DPYD: variants seen among roughly 807,000 people sequenced by gnomAD.
The protein encoded by DPYD is dihydropyrimidine dehydrogenase [NADP(+)].
Under a neutral mutation model 116.2 loss-of-function variants are expected in DPYD, and 109 were observed. The ratio of observed to expected loss-of-function variants is 0.94; its 90% CI spans 0.80 to 1.10. The LOEUF (loss-of-function observed/expected upper bound fraction) is 1.10. Among genes scored for constraint, DPYD ranks in the 50% least tolerant of loss-of-function variants. DPYD has a pLI of 0.00. For missense variants in DPYD, 1,302 were observed against 1,254.5 expected (o/e 1.04, Z -0.57); for synonymous variants, 440 against 432.0 (o/e 1.02, Z -0.23).
intron 14 of DPYD, among the ~76,000 whole-genome samples, chr1:97,411,503 C>T (rs968619919): frequency 1.3e-5 from 2 of 151,852 alleles, no homozygotes; most frequent in Non-Finnish European, 2.9e-5. Flanking sequence ...CAATGAGCAC[C>T]CCAGTAAACA....
At chr1:97,446,530 T>C (rs1347680858) in intron 14 of DPYD, among the ~76,000 whole-genome samples, 1 of 152,222 alleles carries the variant, frequency 6.6e-6, no homozygotes, top group East Asian at 1.9e-4. Flanking sequence ...AAATGAGGTG[T>C]ATTGTAATAG....
chr1:97,677,021 T>G lies in DPYD; in HGVS notation c.850+2074A>C, dbSNP rs564793982. On this transcript the variant is annotated intron_variant, in intron 8 of 22. Coordinates refer to ENST00000370192, the MANE Select transcript of DPYD (RefSeq NM_000110.4). The stretch of plus-strand genomic sequence containing the variant: ...GTGCAGAGTCAAATGGAGACAACTG[T>G]ATTGTGAACCAGTATAGCATTATCA... Among the ~76,000 whole-genome samples, 28 of 152,290 alleles carry G rather than the reference T, an allele frequency of 1.8e-4. No individual in the cohort carries two copies. The South Asian group carries it at 5.4e-3, about 29-fold the overall frequency.
intron 3 of DPYD, among the ~76,000 whole-genome samples, chr1:97,775,538 C>T (rs1041065152): frequency 6.6e-6 from 1 of 152,166 alleles, no homozygotes; most frequent in African/African-American, 2.4e-5. Flanking sequence ...TCTTCTATGA[C>T]ATCTCTGATT....
chr1:97,083,097 C>T (rs774405549), intron 21 of DPYD, among the ~76,000 whole-genome samples: 3 of 152,154 alleles, frequency 2.0e-5, no homozygotes, highest in Admixed American at 6.5e-5. Flanking sequence ...GAATTTTCTT[C>T]ATTCACCATT....
intron 3 of DPYD, among the ~76,000 whole-genome samples, chr1:97,792,361 C>T (rs1277702348): frequency 6.6e-6 from 1 of 151,900 alleles, no homozygotes; most frequent in African/African-American, 2.4e-5. Context: ...GCAACCTCCA[C>T]CCCCCAGGTT....
intron 13 of DPYD, among the ~76,000 whole-genome samples, chr1:97,499,103 C>A (rs527514997): frequency 4.0e-5 from 6 of 151,582 alleles, no homozygotes; most frequent in Non-Finnish European, 7.4e-5. Context: ...GGAGTTACAG[C>A]ACTGACCTCT....
Position 97,541,867 on chromosome 1 carries a change from A to G in DPYD, c.1524+7693T>C, listed in dbSNP as rs72975704. 4.8e-3 allele frequency among the ~76,000 whole-genome samples: 730 copies of G among 152,312 alleles called. 8 individuals carry two copies. Among genetic ancestry groups the G allele is most frequent in the African/African-American group, 0.017 (693 of 41,586 alleles). On this transcript the variant is annotated intron_variant, in intron 12 of 22. Coordinates refer to ENST00000370192, the MANE Select transcript of DPYD (RefSeq NM_000110.4). ...TCAAAATTATCTTTCGTATTCAGTA[A>G]TTCTTATTCATTTGGTAGAAGAAAA...
At chr1:97,083,261 C>T (rs1396998353) in intron 21 of DPYD, among the ~76,000 whole-genome samples, 1 of 152,080 alleles carries the variant, frequency 6.6e-6, no homozygotes, top group African/African-American at 2.4e-5. Flanking sequence ...AATTAGCATG[C>T]TGTCAAGATT....
intron 7 of DPYD, among the ~76,000 whole-genome samples, chr1:97,685,953 C>T (rs754356701): frequency 4.6e-5 from 7 of 152,186 alleles, no homozygotes; most frequent in African/African-American, 9.7e-5. Context: ...CTACCATTGA[C>T]ATTCCTCACA....
At chr1:97,171,392 GAT>G (rs1274208844) in intron 20 of DPYD, among the ~76,000 whole-genome samples, 2 of 152,198 alleles carry the variant, frequency 1.3e-5, no homozygotes, top group Non-Finnish European at 2.9e-5. Flanking sequence ...CTTGCCCACA[GAT>G]TAGCAAAATC....
chr1:97,420,634 C>T (rs564885388), intron 14 of DPYD, among the ~76,000 whole-genome samples: 3 of 152,052 alleles, frequency 2.0e-5, no homozygotes, highest in East Asian at 1.9e-4. Context: ...TGGGCTCCTG[C>T]GGTCTAGGGA....
chr1:97,893,929 T>A lies in DPYD; in HGVS notation c.40-10555A>T, dbSNP rs184260010. 4.0e-3 allele frequency among the ~76,000 whole-genome samples: 606 copies of A among 151,930 alleles called. 2 individuals are homozygous for A. Among genetic ancestry groups the A allele is most frequent in the Admixed American group, 6.6e-3 (101 of 15,206 alleles). On this transcript the variant is annotated intron_variant, in intron 1 of 22. Transcript: ENST00000370192. The stretch of plus-strand genomic sequence containing the variant: ...AAGATTGACAATTCAAACACAAGAA[T>A]AATAACATCTGATATTAACCTCACA...
At chr1:97,290,256 C>G (rs1266705925) in intron 18 of DPYD, among the ~76,000 whole-genome samples, 4 of 152,170 alleles carry the variant, frequency 2.6e-5, no homozygotes, top group Non-Finnish European at 5.9e-5. Context: ...AATGGCCATA[C>G]TGCCCAAGGT....
At chr1:97,477,541 G>A (rs962361715) in intron 13 of DPYD, among the ~76,000 whole-genome samples, 1 of 151,254 alleles carries the variant, frequency 6.6e-6, no homozygotes, top group Non-Finnish European at 1.5e-5. Flanking sequence ...ATGATTATTG[G>A]AATCAAATTC....
chr1:97,515,108 G>C (rs1648120623), intron 13 of DPYD, among the ~76,000 whole-genome samples: 1 of 151,850 alleles, frequency 6.6e-6, no homozygotes, highest in African/African-American at 2.4e-5. Context: ...CAATCCTCTT[G>C]TATAAAGCAT....
chr1:97,541,859 A>G (rs1650473598), intron 12 of DPYD, among the ~76,000 whole-genome samples: 1 of 152,176 alleles, frequency 6.6e-6, no homozygotes, highest in Non-Finnish European at 1.5e-5. Context: ...TATCTTTCGT[A>G]TTCAGTAATT....
At chr1:97,285,672 T>C (rs139229231) in intron 18 of DPYD, among the ~76,000 whole-genome samples, 256 of 142,806 alleles carry the variant, frequency 1.8e-3, no homozygotes, top group African/African-American at 6.5e-3. Context: ...CAACTTTTTA[T>C]TGTTCCTTTA....
intron 1 of DPYD, among the ~76,000 whole-genome samples, chr1:97,892,786 T>C (rs139391904): frequency 6.6e-6 from 1 of 151,932 alleles, no homozygotes; most frequent in East Asian, 2.0e-4. Flanking sequence ...CTCACTGCAG[T>C]TGATTAAAAA....
chr1:97,193,788 C>A (rs1267698420), intron 19 of DPYD, among the ~76,000 whole-genome samples: 2 of 71,342 alleles, frequency 2.8e-5, no homozygotes, highest in Non-Finnish European at 4.7e-5. Context: ...TCTTTCCTTT[C>A]TTCCTCAAAA....
Sources: gnomAD v4.1 joint callset for allele counts (sites outside exome capture counted in the v4.1 genomes callset) on GRCh38, gnomAD v4.1.1 for gene constraint, MANE v1.5 for transcripts, NCBI Gene and HGNC (gene_info 2026-07-23, HGNC 2026-07-21) for gene names.